The following PRKAR2A variants were observed in gnomAD, a reference collection of about 807,000 sequenced individuals.
The protein encoded by PRKAR2A is cAMP-dependent protein kinase type II-alpha regulatory subunit.
In PRKAR2A, 29 loss-of-function variants were observed where a neutral mutation model predicts 51.9. The observed-to-expected ratio is 0.56, with a 90% CI of 0.42 to 0.76. The LOEUF is 0.76. Ranked by LOEUF, PRKAR2A falls within the 30% of genes least tolerant of loss-of-function variation. PRKAR2A has a pLI of 0.00. For synonymous variants in PRKAR2A, 178 were observed against 186.2 expected, an observed-to-expected ratio of 0.96 and a Z score of 0.36; for missense variants, 445 against 512.1, an observed-to-expected ratio of 0.87 and a Z score of 1.26.
chr3:48,826,937 T>A (rs1271918571), intron 1 of PRKAR2A, among the ~76,000 whole-genome samples: 1 of 149,814 alleles, frequency 6.7e-6, no homozygotes, highest in African/African-American at 2.5e-5. Flanking sequence ...AAAATAAAGA[T>A]AAACATAGAA....
At chr3:48,771,218 T>A (rs2082024360) in intron 6 of PRKAR2A, among the ~76,000 whole-genome samples, 1 of 148,744 alleles carries the variant, frequency 6.7e-6, no homozygotes, top group South Asian at 2.1e-4. Flanking sequence ...AGAAAGAATG[T>A]GTTATTTGGC....
At chr3:48,777,546 C>T (rs2082124415) in intron 5 of PRKAR2A, among the ~76,000 whole-genome samples, 1 of 152,076 alleles carries the variant, frequency 6.6e-6, no homozygotes, top group Non-Finnish European at 1.5e-5. Context: ...GCTGGGACTA[C>T]AGGCACCCGC....
chr3:48,753,590 C>T (rs2081700337), intron 9 of PRKAR2A, among the ~76,000 whole-genome samples: 1 of 152,146 alleles, frequency 6.6e-6, no homozygotes, highest in African/African-American at 2.4e-5. Flanking sequence ...CAGCCATATT[C>T]GTGCCCACTT....
chr3:48,819,791 G>C (rs1385759548), intron 1 of PRKAR2A, among the ~76,000 whole-genome samples: 1 of 152,152 alleles, frequency 6.6e-6, no homozygotes, highest in African/African-American at 2.4e-5. Flanking sequence ...AAATAACACA[G>C]GAAGGCAGTG....
chr3:48,836,157 T>C (rs1318670747), intron 1 of PRKAR2A, among the ~76,000 whole-genome samples: 1 of 151,916 alleles, frequency 6.6e-6, no homozygotes, highest in Non-Finnish European at 1.5e-5. Flanking sequence ...CGGTGGCTCA[T>C]GCCTGTAATC....
At chr3:48,771,779 G>C (rs2082032250) in intron 6 of PRKAR2A, among the ~76,000 whole-genome samples, 1 of 151,738 alleles carries the variant, frequency 6.6e-6, no homozygotes, top group Non-Finnish European at 1.5e-5. Flanking sequence ...TGGCCTATTT[G>C]GGTGAATGTT....
At position 48,829,593 on chromosome 3, in the gene PRKAR2A, T is replaced by TACGTGTGTATAC. The variant is rs1559646262; in HGVS notation, c.262+17741_262+17742insGTATACACACGT. On this transcript the variant is annotated intron_variant, in intron 1 of 10. Coordinates refer to ENST00000265563, the MANE Select transcript of PRKAR2A (RefSeq NM_004157.4). Reference sequence around the variant, plus strand: ...ACATAAATATATATGTGTGTATATATACACACACATAAATGTGTGTGTGTA... The same window carrying TACGTGTGTATAC: ...ACATAAATATATATGTGTGTATATATACGTGTGTATACACACACACATAAATGTGTGTGTGTA... 1.0e-3 allele frequency among the ~76,000 whole-genome samples: 56 copies of TACGTGTGTATAC among 53,788 alleles called. 4 individuals carry two copies. The highest frequency in any genetic ancestry group is 7.6e-3 in the East Asian group (4 of 526). 35.3% of individuals were successfully genotyped at this position (53,788 alleles called of 152,430 possible). A position where few individuals can be genotyped will look rare whatever the true frequency, so the allele number is the denominator to read the frequency against.
At chr3:48,821,105 G>A (rs1251649991) in intron 1 of PRKAR2A, among the ~76,000 whole-genome samples, 1 of 152,164 alleles carries the variant, frequency 6.6e-6, no homozygotes, top group African/African-American at 2.4e-5. Context: ...TTAGTCCAGC[G>A]TAAGCCATGC....
chr3:48,776,559 A>T (rs1485044575), intron 5 of PRKAR2A, among the ~76,000 whole-genome samples: 6 of 152,006 alleles, frequency 3.9e-5, no homozygotes, highest in Non-Finnish European at 8.8e-5. Context: ...ATGACAGAGT[A>T]TGGCTGGGCA....
chr3:48,800,211 ATAAT>A (rs1387894435), intron 2 of PRKAR2A, among the ~76,000 whole-genome samples: 2 of 151,554 alleles, frequency 1.3e-5, no homozygotes, highest in Non-Finnish European at 2.9e-5. Context: ...CAACTCAAAG[ATAAT>A]TAATACTAAT....
chr3:48,817,967 A>C (rs1286557453), intron 1 of PRKAR2A, among the ~76,000 whole-genome samples: 2 of 152,224 alleles, frequency 1.3e-5, no homozygotes, highest in Non-Finnish European at 2.9e-5. Context: ...TTATTCCTCC[A>C]AACACATAAA....
chr3:48,810,909 G>A (rs751465286), intron 1 of PRKAR2A, among the ~76,000 whole-genome samples: 7 of 152,162 alleles, frequency 4.6e-5, no homozygotes, highest in Admixed American at 1.3e-4. Context: ...GGGTGCAGTG[G>A]CTCATGCTTA....
At chr3:48,804,919 A>AT (rs997712995) in intron 2 of PRKAR2A, among the ~76,000 whole-genome samples, 21 of 150,242 alleles carry the variant, frequency 1.4e-4, no homozygotes, top group Admixed American at 2.0e-4. Context: ...TTTAATTTTA[A>AT]TTTTTTTTTT....
intron 2 of PRKAR2A, among the ~76,000 whole-genome samples, chr3:48,795,514 G>A (rs915076170): frequency 2.0e-5 from 3 of 152,158 alleles, no homozygotes; most frequent in Non-Finnish European, 4.4e-5. Context: ...AAAAACAACT[G>A]ATGTTGGTGA....
intron 9 of PRKAR2A, among the ~76,000 whole-genome samples, chr3:48,753,988 C>T (rs1486321761): frequency 6.7e-6 from 1 of 148,548 alleles, no homozygotes; most frequent in African/African-American, 2.5e-5. Context: ...AGCTCTGCCT[C>T]CTGGGCTCAT....
chr3:48,783,046 T>G lies in PRKAR2A; in HGVS notation c.482A>C (p.Lys161Thr), dbSNP rs764678772. The change falls in exon 5 of 11, where the codon AAA (lysine) becomes ACA (threonine). Residue 161 changes from lysine to threonine, a missense_variant. Physicochemically the swap from Lys to Thr is moderately conservative, Grantham distance 78. Transcript: ENST00000265563. ...VLDAMFERIV[K>T]ADEHVIDQGD... Reference sequence around the variant, plus strand: ...TTGGTCAATGACATGCTCATCAGCTTTGACTATCCTTTCAAACATGGCATC... The same window carrying G: ...TTGGTCAATGACATGCTCATCAGCTGTGACTATCCTTTCAAACATGGCATC... 4.3e-6 allele frequency: 7 copies of G among 1,613,948 alleles called. No individual in the cohort carries two copies. Among genetic ancestry groups the G allele is most frequent in the Non-Finnish European group, 5.1e-6 (6 of 1,179,994 alleles).
At chr3:48,807,723 C>T in intron 1 of PRKAR2A, 39 bp from the exon 2 acceptor site, 1 of 1,561,816 alleles carries the variant, frequency 6.4e-7, no homozygotes, top group African/African-American at 1.4e-5. Context: ...ATTATTATGT[C>T]ACCAGGCCGC....
At chr3:48,787,332 C>T (rs2082311333) in intron 4 of PRKAR2A, among the ~76,000 whole-genome samples, 1 of 151,930 alleles carries the variant, frequency 6.6e-6, no homozygotes, top group Admixed American at 6.6e-5. Context: ...ATTATAGGCA[C>T]CTGCCACCAA....
chr3:48,824,237 G>A (rs886746921), intron 1 of PRKAR2A, among the ~76,000 whole-genome samples: 8 of 151,682 alleles, frequency 5.3e-5, no homozygotes, highest in African/African-American at 1.5e-4. Context: ...GCAAAACTCC[G>A]TCTAAAAAAA....
Sources: allele counts gnomAD v4.1 joint callset (sites outside exome capture counted in the v4.1 genomes callset), GRCh38; gene constraint gnomAD v4.1.1; transcripts MANE v1.5; gene names NCBI Gene and HGNC (gene_info 2026-07-23, HGNC 2026-07-21).